Variants in CNOT1 observed in about 807,000 individuals in gnomAD.
The protein encoded by CNOT1 is CCR4-NOT transcription complex subunit 1, also known as CCR4-associated factor 1.
In CNOT1, 15 loss-of-function variants were observed where a neutral mutation model predicts 273.8. That is an observed-to-expected ratio of 0.05 (90% CI 0.04 to 0.08). The LOEUF (loss-of-function observed/expected upper bound fraction) is 0.08, where lower values mean the gene tolerates loss of function less well. Among genes scored for constraint, CNOT1 ranks in the 10% least tolerant of loss-of-function variants. The probability of loss-of-function intolerance (pLI) is 1.00; values close to 1 mark genes in which losing one functional copy is unlikely to be tolerated. For synonymous variants in CNOT1, 1,022 were observed against 1,005.5 expected (o/e 1.02, Z -0.31); for missense variants, 1,644 against 2,912.2 (o/e 0.56, Z 10.02).
chr16:58,573,299 TC>T (rs1767562570), intron 16 of CNOT1, among the ~76,000 whole-genome samples: 1 of 146,704 alleles, frequency 6.8e-6, no homozygotes, highest in African/African-American at 2.5e-5. Context: ...AGAGTGAAAC[TC>T]CATCTCAAAA....
At chr16:58,611,946 C>G (rs2042917107) in intron 1 of CNOT1, among the ~76,000 whole-genome samples, 1 of 152,094 alleles carries the variant, frequency 6.6e-6, no homozygotes, top group Non-Finnish European at 1.5e-5. Flanking sequence ...CCAACTGGAC[C>G]AAAGACATCT....
chr16:58,607,673 G>A (rs181393368), intron 1 of CNOT1, among the ~76,000 whole-genome samples: 1 of 142,698 alleles, frequency 7.0e-6, no homozygotes, highest in East Asian at 2.1e-4. Context: ...GTTGCAGTGA[G>A]CGGAGATCAT....
chr16:58,585,646 T>C lies in CNOT1; in HGVS notation c.638-140A>G, dbSNP rs551156693. ...AGCTTATTTCATTTTTCCAGCCTACTAGCCGAAGTTACGACTTTAACATCA... is the reference window on the plus strand; with the variant it reads ...AGCTTATTTCATTTTTCCAGCCTACCAGCCGAAGTTACGACTTTAACATCA... On this transcript the variant is annotated intron_variant, in intron 7 of 48. Coordinates refer to ENST00000317147, the MANE Select transcript of CNOT1 (RefSeq NM_016284.5). 1.8e-5 allele frequency: 25 copies of C among 1,379,804 alleles called. No homozygotes were observed. The African/African-American group carries it at 2.2e-4, about 12-fold the overall frequency. 85.5% of individuals were successfully genotyped at this position (1,379,804 alleles called of 1,614,324 possible). A position where few individuals can be genotyped will look rare whatever the true frequency, so the allele number is the denominator to read the frequency against.
intron 1 of CNOT1, among the ~76,000 whole-genome samples, chr16:58,626,586 C>G (rs2043594875): frequency 6.6e-6 from 1 of 151,626 alleles, no homozygotes; most frequent in South Asian, 2.1e-4. Flanking sequence ...ATAGTGAAAC[C>G]CCGTCTCTAC....
Position 58,547,744 on chromosome 16 carries a change from G to A in CNOT1, c.3523-62C>T. On this transcript the variant is annotated intron_variant, in intron 25 of 48. Coordinates refer to ENST00000317147, the MANE Select transcript of CNOT1 (RefSeq NM_016284.5). The surrounding 1 kb of genome is among the most constrained non-coding windows in gnomAD (Gnocchi z 4.0). ...AGCTTATGAAAGAAAACTCAACTAA[G>A]TATTTGAGAATTCCATTATCCTATC... The A allele has an allele frequency of 2.0e-6, 3 of 1,496,746 alleles. No individual in the cohort carries two copies. The highest frequency in any genetic ancestry group is 2.7e-6 in the Non-Finnish European group (3 of 1,104,142). 92.7% of individuals were successfully genotyped at this position (1,496,746 alleles called of 1,614,324 possible). A position where few individuals can be genotyped will look rare whatever the true frequency, so the allele number is the denominator to read the frequency against.
chr16:58,554,109 A>C (rs1430176052), intron 21 of CNOT1, among the ~76,000 whole-genome samples: 1 of 152,238 alleles, frequency 6.6e-6, no homozygotes, highest in Admixed American at 6.5e-5. Context: ...AAATAGATTA[A>C]AACGAGCCAC....
intron 31 of CNOT1, chr16:58,543,377 AC>A: frequency 6.5e-7 from 1 of 1,541,874 alleles, no homozygotes; most frequent in South Asian, 1.2e-5. Flanking sequence ...TTGGGTATCT[AC>A]TATCTGTCAA....
rs2042533972 is a variant in CNOT1, at chr16:58,603,135, C to G, written c.-174-3624G>C. On this transcript the variant is annotated intron_variant, in intron 1 of 48. Coordinates refer to ENST00000317147, the MANE Select transcript of CNOT1 (RefSeq NM_016284.5). ...TGATAAGGATCATCATATCTCTCAC[C>G]TGGATTACTATGCTAGCCCTCTAAC... 1.2e-4 allele frequency among the ~76,000 whole-genome samples: 19 copies of G among 152,204 alleles called. 1 individual carries two copies. Among genetic ancestry groups the G allele is most frequent in the Admixed American group, 1.2e-3 (19 of 15,266 alleles).
intron 1 of CNOT1, among the ~76,000 whole-genome samples, chr16:58,620,380 C>T (rs2152047827): frequency 6.6e-6 from 1 of 152,078 alleles, no homozygotes; most frequent in East Asian, 1.9e-4. Context: ...GTGGCTCAAA[C>T]CTGTAATCCC....
At position 58,560,347 on chromosome 16, in the gene CNOT1, C is replaced by G. The variant is rs757010872; in HGVS notation, c.1995G>C (p.Glu665Asp). The G allele has an allele frequency of 8.7e-6, 14 of 1,613,876 alleles. No homozygotes were observed. The highest frequency in any genetic ancestry group is 2.7e-5 in the African/African-American group (2 of 74,894). The change falls in exon 17 of 49, where the codon GAG (glutamate) becomes GAC (aspartate). Residue 665 changes from glutamate (E) to aspartate (D), a missense_variant. By Grantham distance (45) the Glu-to-Asp change is conservative. This residue lies in a region of CNOT1 where 706 missense variants were observed against 1,021.2 expected (regional missense o/e 0.69). Transcript: ENST00000317147. ...CCATGGTGAGGATAGTTTCTGATAGCTCCTGAGAAACACTCCTAAAATAGA... is the reference window on the plus strand; with the variant it reads ...CCATGGTGAGGATAGTTTCTGATAGGTCCTGAGAAACACTCCTAAAATAGA... ...LQACAGSVSQ[E>D]LSETILTMVA...
rs755845672 is a variant in CNOT1, at chr16:58,523,372, T to C, written c.6915A>G (p.Thr2305=). The stretch of plus-strand genomic sequence containing the variant: ...TAAAAAATAAGCTGCTCGCTTACCT[T>C]GTGATCTGTTCTTGGATGGCTTCCG... The part of the protein sequence containing the change: ...ANTEAIQEQI[T]RVLLERLIVN... The change falls in exon 47 of 49, where the codon ACA becomes ACG. Residue 2305 remains threonine (T), a splice_region_variant and synonymous_variant. Transcript: ENST00000317147. The C allele has an allele frequency of 1.9e-6, 3 of 1,590,386 alleles. No individual in the cohort carries two copies. The highest frequency in any genetic ancestry group is 1.7e-5 in the Admixed American group (1 of 58,046).
At chr16:58,546,255 G>T in intron 29 of CNOT1, 66 bp downstream of exon 29, 1 of 1,373,130 alleles carries the variant, frequency 7.3e-7, no homozygotes, top group Non-Finnish European at 1.0e-6. Flanking sequence ...GATATACATG[G>T]ACAAGTACCA....
chr16:58,595,408 A>G (rs1428973752), intron 2 of CNOT1, among the ~76,000 whole-genome samples: 1 of 115,652 alleles, frequency 8.6e-6, no homozygotes, highest in African/African-American at 3.5e-5. Flanking sequence ...GATCAAAACT[A>G]TTTTTCCATC....
Position 58,587,108 on chromosome 16 carries a change from T to C in CNOT1, c.433+93A>G, listed in dbSNP as rs936949456. ...AAAGAGAAATTAATTTCAGATTATC[T>C]TACTCTCTAAGTCTAAATCACAGAG... is the stretch of plus-strand genomic sequence containing the variant. On this transcript the variant is annotated intron_variant, in intron 6 of 48. Transcript: ENST00000317147. 22 of 1,476,758 alleles carry C rather than the reference T, an allele frequency of 1.5e-5. No homozygotes were observed. The South Asian group carries it at 2.9e-4, about 19-fold the overall frequency. The allele number at this position is 1,476,758 out of a possible 1,614,324, so 91.5% of individuals were successfully genotyped here. A position where few individuals can be genotyped will look rare whatever the true frequency, so the allele number is the denominator to read the frequency against.
intron 2 of CNOT1, among the ~76,000 whole-genome samples, chr16:58,595,087 C>G (rs1202012481): frequency 6.6e-6 from 1 of 150,950 alleles, no homozygotes; most frequent in East Asian, 1.9e-4. Context: ...GCACTCTAGC[C>G]TGGGTGACAG....
chr16:58,547,288 A>G lies in CNOT1; in HGVS notation c.3648T>C (p.Asp1216=). ...KNKPILHTDL[D]VKSLLLEAYV... is the part of the protein sequence containing the mutation. ...AAGCCTCTAGCAGCAATGATTTCAC[A>G]TCCAAGTCCTAGAATAAGAAAAATA... The change falls in exon 27 of 49, where the codon GAT becomes GAC. Residue 1216 remains aspartate, a synonymous_variant. Coordinates refer to ENST00000317147, the MANE Select transcript of CNOT1 (RefSeq NM_016284.5). The surrounding 1 kb of genome is among the most constrained non-coding windows in gnomAD (Gnocchi z 4.0). 6.2e-7 allele frequency: 1 copy of G among 1,613,864 alleles called. No individual in the cohort carries two copies. The highest frequency in any genetic ancestry group is 8.5e-7 in the Non-Finnish European group (1 of 1,179,852).
At chr16:58,561,545 T>C (rs1387910672) in intron 16 of CNOT1, among the ~76,000 whole-genome samples, 8 of 152,154 alleles carry the variant, frequency 5.3e-5, no homozygotes, top group Non-Finnish European at 4.4e-5. Flanking sequence ...CTAAAACAAA[T>C]GTCAAGTAGG....
At chr16:58,560,062 C>G in intron 17 of CNOT1, 150 bp downstream of exon 17, 1 of 1,507,098 alleles carries the variant, frequency 6.6e-7, no homozygotes, top group Non-Finnish European at 8.9e-7. Flanking sequence ...ACTACAATGC[C>G]TATTTACATA....
rs925668997 is a variant in CNOT1, at chr16:58,534,707, G to A, written c.5647-312C>T. Among the ~76,000 whole-genome samples the A allele has an allele frequency of 5.9e-5, 9 of 152,102 alleles. No homozygotes were observed. The East Asian group carries it at 7.7e-4, about 13-fold the overall frequency. ...ACCATGCAAATAAAACAAACTGTTC[G>A]TTAACTGTAAGTCATGTTAAGACAT... On this transcript the variant is annotated intron_variant, in intron 39 of 48. Transcript: ENST00000317147.
Sources: gnomAD v4.1 joint callset for allele counts (sites outside exome capture counted in the v4.1 genomes callset) on GRCh38, gnomAD v4.1.1 for gene constraint, gnomAD v4.1.1 regional missense constraint, Gnocchi (gnomAD v3.1) non-coding constraint, MANE v1.5 for transcripts, NCBI Gene and HGNC (gene_info 2026-07-23, HGNC 2026-07-21) for gene names.